The following APBA2 variants were observed in gnomAD, a reference collection of about 807,000 sequenced individuals.
APBA2 encodes amyloid-beta A4 precursor protein-binding family A member 2.
APBA2 carries 30 observed loss-of-function variants against 75.0 expected under a neutral mutation model. The ratio of observed to expected loss-of-function variants is 0.40; its 90% CI spans 0.30 to 0.54. The LOEUF (loss-of-function observed/expected upper bound fraction) is 0.54, where lower values mean the gene tolerates loss of function less well. Among genes scored for constraint, APBA2 ranks in the 20% least tolerant of loss-of-function variants. The pLI, the probability that APBA2 is intolerant of heterozygous loss-of-function variation, is 0.49. For synonymous variants in APBA2, 444 were observed against 409.6 expected, an observed-to-expected ratio of 1.08 and a Z score of -1.01; for missense variants, 801 against 1,016.1, an observed-to-expected ratio of 0.79 and a Z score of 2.88.
chr15:29,033,964 C>CAAAAA (rs34808408), intron 3 of APBA2, among the ~76,000 whole-genome samples: 31 of 39,506 alleles, frequency 7.8e-4, no homozygotes, highest in African/African-American at 1.2e-3. Flanking sequence ...GACTCCATCT[C>CAAAAA]AAAAAAAAAA....
intron 2 of APBA2, among the ~76,000 whole-genome samples, chr15:28,953,249 C>T (rs2035987420): frequency 1.3e-5 from 2 of 152,118 alleles, no homozygotes; most frequent in Admixed American, 6.6e-5. Context: ...AAAAGTCAGC[C>T]CCTCCTTATT....
chr15:29,082,538 G>T (rs1246934803), intron 6 of APBA2, among the ~76,000 whole-genome samples: 1 of 152,142 alleles, frequency 6.6e-6, no homozygotes, highest in African/African-American at 2.4e-5. Flanking sequence ...GGGAATTTGG[G>T]TGTTTCTTAT....
intron 6 of APBA2, among the ~76,000 whole-genome samples, chr15:29,091,818 T>A (rs1460831405): frequency 6.6e-6 from 1 of 151,640 alleles, no homozygotes; most frequent in Non-Finnish European, 1.5e-5. Context: ...AGGGAAGAGG[T>A]CAGGAGGTTG....
chr15:29,106,547 C>G (rs2044414887), intron 11 of APBA2, 60 bp from the exon 12 acceptor site: 1 of 1,583,048 alleles, frequency 6.3e-7, no homozygotes, highest in South Asian at 1.1e-5. Context: ...TCCTGTGGGT[C>G]CTTGGCAGAG....
intron 3 of APBA2, among the ~76,000 whole-genome samples, chr15:29,041,344 C>G (rs2041031473): frequency 6.6e-6 from 1 of 151,814 alleles, no homozygotes; most frequent in African/African-American, 2.4e-5. Context: ...TTTGCTGAGC[C>G]TGGTGGCACA....
chr15:29,040,048 T>C (rs2040956103), intron 3 of APBA2, among the ~76,000 whole-genome samples: 2 of 152,180 alleles, frequency 1.3e-5, no homozygotes. Flanking sequence ...CCCATCTTTG[T>C]GGCCAGAGGG....
chr15:29,084,978 A>C (rs771601523), intron 6 of APBA2, among the ~76,000 whole-genome samples: 1 of 152,260 alleles, frequency 6.6e-6, no homozygotes, highest in African/African-American at 2.4e-5. Flanking sequence ...GTGTTGTTCT[A>C]TTGAGGCACA....
intron 2 of APBA2, among the ~76,000 whole-genome samples, chr15:28,974,892 G>A (rs931450495): frequency 4.6e-5 from 7 of 152,016 alleles, no homozygotes; most frequent in South Asian, 2.1e-4. Context: ...CAAAAAATAA[G>A]AGTAAGATTG....
At chr15:29,089,495 C>G (rs1438154466) in intron 6 of APBA2, among the ~76,000 whole-genome samples, 1 of 152,146 alleles carries the variant, frequency 6.6e-6, no homozygotes, top group Non-Finnish European at 1.5e-5. Flanking sequence ...CTCCCAGACC[C>G]CCAGGATATA....
In APBA2 at chr15:29,101,540, C is replaced by T. The variant is rs1013353687; in HGVS notation, c.1339-59C>T. On this transcript the variant is annotated intron_variant, in intron 9 of 14. Transcript: ENST00000683413. Reference sequence around the variant, plus strand: ...AGCCACCATGCCCAGCCCTGGAGTACTTTTCAATGGATTGTCCCAGTAGTG... The same window carrying T: ...AGCCACCATGCCCAGCCCTGGAGTATTTTTCAATGGATTGTCCCAGTAGTG... The T allele has an allele frequency of 3.8e-6, 6 of 1,570,566 alleles. No individual in the cohort carries two copies. The African/African-American group carries it at 6.8e-5, about 18-fold the overall frequency.
rs2045258317 is a variant in APBA2 at position 29,117,408 on chromosome 15, G to T, written c.*275G>T. The T allele has an allele frequency of 1.9e-6, 1 of 534,334 alleles. No individual in the cohort carries two copies. The highest frequency in any genetic ancestry group is 3.4e-6 in the Non-Finnish European group (1 of 295,624). The allele number at this position is 534,334 out of a possible 1,614,324, so 33.1% of individuals were successfully genotyped here. A position where few individuals can be genotyped will look rare whatever the true frequency, so the allele number is the denominator to read the frequency against. ...GACTGTCTTCTCCCTGCACAAGCCA[G>T]GGTGTGTCTCGGTAGCTGTGCGTGG... is the stretch of plus-strand genomic sequence containing the variant. On this transcript the variant is annotated 3_prime_UTR_variant, in exon 15 of 15. Transcript: ENST00000683413.
At chr15:28,916,174 G>T (rs1252083872) in intron 1 of APBA2, among the ~76,000 whole-genome samples, 3 of 152,194 alleles carry the variant, frequency 2.0e-5, no homozygotes, top group African/African-American at 7.2e-5. Flanking sequence ...TGTGCCCTGG[G>T]GCGTGCTTAC....
intron 2 of APBA2, among the ~76,000 whole-genome samples, chr15:28,965,794 C>A (rs964326931): frequency 2.0e-5 from 3 of 152,134 alleles, no homozygotes; most frequent in Non-Finnish European, 4.4e-5. Context: ...TATAGACATG[C>A]AATCAGTTTT....
chr15:28,888,400 A>T (rs1164672218), intron 1 of APBA2, among the ~76,000 whole-genome samples: 1 of 152,204 alleles, frequency 6.6e-6, no homozygotes, highest in Admixed American at 6.5e-5. Flanking sequence ...CTTTGTTTGG[A>T]TTGGGCGGCG....
At chr15:29,073,411 C>T (rs759215437) in intron 4 of APBA2, among the ~76,000 whole-genome samples, 3 of 152,206 alleles carry the variant, frequency 2.0e-5, no homozygotes, top group Non-Finnish European at 4.4e-5. Context: ...AGTGCAATGG[C>T]GCCATCTCAG....
At chr15:29,114,365 G>C (rs940196836) in intron 14 of APBA2, among the ~76,000 whole-genome samples, 1 of 152,206 alleles carries the variant, frequency 6.6e-6, no homozygotes, top group Non-Finnish European at 1.5e-5. Flanking sequence ...CCCTCCCACA[G>C]CCAGGCTGCT....
chr15:28,886,077 C>G lies in APBA2; in HGVS notation c.-406C>G, dbSNP rs922951788. ...GCCCCGCAGCCGCGCCGCGTGCGCC[C>G]GGCAGAGGCGGCCCTGCGTGCCGTA... On this transcript the variant is annotated 5_prime_UTR_variant, in exon 1 of 15. Coordinates refer to ENST00000683413, the MANE Select transcript of APBA2 (RefSeq NM_001353788.2). 6.7e-6 allele frequency: 1 copy of G among 149,094 alleles called. No homozygotes were observed. Among genetic ancestry groups the G allele is most frequent in the African/African-American group, 2.4e-5 (1 of 41,042 alleles). The allele number at this position is 149,094 out of a possible 1,614,324, so 9.2% of individuals were successfully genotyped here. A position where few individuals can be genotyped will look rare whatever the true frequency, so the allele number is the denominator to read the frequency against.
At chr15:29,022,181 G>A (rs1259751544) in intron 3 of APBA2, among the ~76,000 whole-genome samples, 3 of 152,078 alleles carry the variant, frequency 2.0e-5, no homozygotes, top group Non-Finnish European at 4.4e-5. Context: ...TGGATCATTC[G>A]GAAGTTCTAT....
chr15:28,939,042 C>T (rs2035037055), intron 2 of APBA2, among the ~76,000 whole-genome samples: 1 of 152,130 alleles, frequency 6.6e-6, no homozygotes, highest in South Asian at 2.1e-4. Flanking sequence ...CCCTCCCAGC[C>T]ACCACTCTAC....
Sources: allele counts gnomAD v4.1 joint callset (sites outside exome capture counted in the v4.1 genomes callset), GRCh38; gene constraint gnomAD v4.1.1; transcripts MANE v1.5; gene names NCBI Gene and HGNC (gene_info 2026-07-23, HGNC 2026-07-21).